Variants in CELF2 observed in about 807,000 individuals in gnomAD.
CELF2 encodes the protein CUGBP Elav-like family member 2.
In CELF2, 8 loss-of-function variants were observed where a neutral mutation model predicts 62.6. The observed-to-expected ratio is 0.13, with a 90% confidence interval of 0.07 to 0.23. The LOEUF is 0.23. Ranked by LOEUF, CELF2 falls within the 10% of genes least tolerant of loss-of-function variation. The pLI is 1.00. For missense variants in CELF2, 333 were observed against 671.0 expected (o/e 0.50, Z 5.56); for synonymous variants, 258 against 250.0 (o/e 1.03, Z -0.30).
rs1368042560 is a variant in CELF2, at chr10:11,142,676, G to A, written c.75-22810G>A. Reference sequence around the variant, plus strand: ...TCCAGCCTGGGTGACAGAGCGAGACGCTGTCTCAAAAAAAAAAAAAAAAAA... The same window carrying A: ...TCCAGCCTGGGTGACAGAGCGAGACACTGTCTCAAAAAAAAAAAAAAAAAA... On this transcript the variant is annotated intron_variant, in intron 1 of 12. Coordinates refer to ENST00000633077, the MANE Select transcript of CELF2 (RefSeq NM_001326342.2). Among the ~76,000 whole-genome samples the A allele has an allele frequency of 3.1e-5, 4 of 130,150 alleles. No homozygotes were observed. The South Asian group carries it at 7.1e-4, about 23-fold the overall frequency. The allele number at this position is 130,150 out of a possible 152,430, so 85.4% of individuals were successfully genotyped here.
the CELF2 span, among the ~76,000 whole-genome samples, chr10:10,489,492 G>A: frequency 6.6e-6 from 1 of 152,062 alleles, no homozygotes; most frequent in South Asian, 2.1e-4. Flanking sequence ...ATTTCTTAGT[G>A]TTATTTAATC....
At chr10:10,513,605 G>A in the CELF2 span, among the ~76,000 whole-genome samples, 1 of 151,762 alleles carries the variant, frequency 6.6e-6, no homozygotes, top group Admixed American at 6.6e-5. Context: ...TTTTTAGCAG[G>A]GTTGCCCACA....
chr10:10,592,634 CA>C, the CELF2 span, among the ~76,000 whole-genome samples: 2 of 152,274 alleles, frequency 1.3e-5, no homozygotes, highest in Middle Eastern at 3.4e-3. Flanking sequence ...TAAAGAGTGT[CA>C]AAACCAACTA....
intron 2 of CELF2, among the ~76,000 whole-genome samples, chr10:11,215,442 C>A (rs576296724): frequency 2.0e-4 from 31 of 152,318 alleles, no homozygotes; most frequent in African/African-American, 7.2e-4. Context: ...TTGGCTGTGG[C>A]GTGGCCAAAC....
chr10:10,792,646 T>A, the CELF2 span: 10 of 388,644 alleles, frequency 2.6e-5, no homozygotes, highest in South Asian at 1.4e-3. Context: ...ATATGGAGAC[T>A]ATCTGAGCCA....
At position 11,288,545 on chromosome 10, in the gene CELF2, G is replaced by A. The variant is rs202211922; in HGVS notation, c.969G>A (p.Thr323=). 7.9e-4 allele frequency: 1,274 copies of A among 1,613,560 alleles called. 3 individuals carry two copies. The highest frequency in any genetic ancestry group is 8.2e-4 in the Non-Finnish European group (969 of 1,179,952). ...STTSSALGAL[T]SPVAASTPNS... is the part of the protein sequence containing the mutation. ...CGAGCAGCGCCCTGGGAGCCCTCACGAGTCCCGGTGAGTGTGGGGGGTGCT... is the reference window on the plus strand; with the variant it reads ...CGAGCAGCGCCCTGGGAGCCCTCACAAGTCCCGGTGAGTGTGGGGGGTGCT... The change falls in exon 9 of 13, where the codon ACG becomes ACA. Residue 323 remains threonine (T), a synonymous_variant. Coordinates refer to ENST00000633077, the MANE Select transcript of CELF2 (RefSeq NM_001326342.2).
Position 11,280,247 on chromosome 10 carries a change from G to A in CELF2, c.841+5127G>A, listed in dbSNP as rs2087875459. On this transcript the variant is annotated intron_variant, in intron 8 of 12. Coordinates refer to ENST00000633077, the MANE Select transcript of CELF2 (RefSeq NM_001326342.2). The surrounding 1 kb of genome is among the most constrained non-coding windows in gnomAD (Gnocchi z 7.6). The stretch of plus-strand genomic sequence containing the variant: ...GGAAGTGAAGCCCGCTGTTAGTTCT[G>A]GGGAGGAATAAGGGGAGTTGCAGGA... Among the ~76,000 whole-genome samples, 1 of 152,166 alleles carries A rather than the reference G, an allele frequency of 6.6e-6. No individual in the cohort carries two copies.
At chr10:10,622,991 C>T in the CELF2 span, among the ~76,000 whole-genome samples, 1 of 143,466 alleles carries the variant, frequency 7.0e-6, no homozygotes, top group Non-Finnish European at 1.5e-5. Flanking sequence ...GAGGCTGAGG[C>T]AGGAGAATGG....
chr10:10,748,068 A>C, the CELF2 span, among the ~76,000 whole-genome samples: 1 of 152,184 alleles, frequency 6.6e-6, no homozygotes, highest in Admixed American at 6.5e-5. Flanking sequence ...AGAGGCTGGG[A>C]AGGCTGGCTG....
At chr10:10,578,422 A>T in the CELF2 span, among the ~76,000 whole-genome samples, 1 of 152,176 alleles carries the variant, frequency 6.6e-6, no homozygotes, top group African/African-American at 2.4e-5. Context: ...TGTTTTAGAC[A>T]TGAAGTCCTT....
intron 2 of CELF2, among the ~76,000 whole-genome samples, chr10:10,941,736 A>G (rs1329154887): frequency 6.6e-6 from 1 of 152,200 alleles, no homozygotes. Context: ...GCTCATGCCT[A>G]TAATCCCAGC....
At chr10:10,595,463 G>A in the CELF2 span, among the ~76,000 whole-genome samples, 3 of 152,142 alleles carry the variant, frequency 2.0e-5, no homozygotes, top group Admixed American at 6.5e-5. Context: ...GGCAGGACTC[G>A]ACTCCAGAGG....
rs567546288 is a variant in CELF2, at chr10:11,046,806, T to C, written c.74+28643T>C. Among the ~76,000 whole-genome samples the C allele has an allele frequency of 6.6e-6, 1 of 152,354 alleles. No homozygotes were observed. Among genetic ancestry groups the C allele is most frequent in the African/African-American group, 2.4e-5 (1 of 41,578 alleles). ...TTAACATAAAGCTTAAGCCCTTGGC[T>C]TGTTGCTTTATTTTCTAAAATTTTA... On this transcript the variant is annotated intron_variant, in intron 1 of 12. Coordinates refer to ENST00000633077, the MANE Select transcript of CELF2 (RefSeq NM_001326342.2). This position sits in a 1 kb window ranked among gnomAD's most constrained non-coding sequence, Gnocchi z 4.6.
intron 1 of CELF2, chr10:10,919,852 C>T (rs931027845): frequency 3.7e-5 from 22 of 599,886 alleles, no homozygotes; most frequent in South Asian, 3.5e-4. Context: ...CCTGCATGTA[C>T]GGTATCTTCT....
chr10:10,875,898 CT>C (rs2061057881), intron 1 of CELF2, among the ~76,000 whole-genome samples: 1 of 152,234 alleles, frequency 6.6e-6, no homozygotes, highest in South Asian at 2.1e-4. Flanking sequence ...TATGCAACAA[CT>C]GCTCTCTGTA....
At chr10:10,734,975 T>A in the CELF2 span, among the ~76,000 whole-genome samples, 1 of 152,178 alleles carries the variant, frequency 6.6e-6, no homozygotes, top group Non-Finnish European at 1.5e-5. Context: ...TACTCAAGGT[T>A]CTTGCCAAAT....
chr10:10,781,819 G>C, the CELF2 span, among the ~76,000 whole-genome samples: 1 of 152,172 alleles, frequency 6.6e-6, no homozygotes, highest in South Asian at 2.1e-4. Context: ...CCATTGTTAA[G>C]TGGCACATGC....
At chr10:10,953,775 T>C (rs990913585) in intron 2 of CELF2, among the ~76,000 whole-genome samples, 2 of 151,790 alleles carry the variant, frequency 1.3e-5, no homozygotes, top group African/African-American at 4.8e-5. Context: ...GAAATTCTGC[T>C]TGGCAAACTA....
the CELF2 span, among the ~76,000 whole-genome samples, chr10:10,484,463 C>G: frequency 6.8e-6 from 1 of 148,122 alleles, no homozygotes; most frequent in Admixed American, 6.8e-5. Flanking sequence ...ACTACAGGCA[C>G]ATGCCACCAT....
Sources: allele counts gnomAD v4.1 joint callset (sites outside exome capture counted in the v4.1 genomes callset), GRCh38; gene constraint gnomAD v4.1.1; non-coding constraint Gnocchi (gnomAD v3.1); transcripts MANE v1.5; gene names NCBI Gene and HGNC (gene_info 2026-07-23, HGNC 2026-07-21).